GLCE: variants seen among roughly 807,000 people sequenced by gnomAD.
The protein encoded by GLCE is D-glucuronyl C5-epimerase.
A neutral mutation model predicts 47.9 loss-of-function variants in GLCE; 19 were observed. The observed-to-expected ratio is 0.40, with a 90% CI of 0.28 to 0.58. GLCE has a LOEUF of 0.58. Among genes scored for constraint, GLCE ranks in the 20% least tolerant of loss-of-function variants. The pLI, the probability that GLCE is intolerant of heterozygous loss-of-function variation, is 0.48. For synonymous variants in GLCE, 245 were observed against 263.4 expected, an observed-to-expected ratio of 0.93 and a Z score of 0.68; for missense variants, 556 against 743.3, an observed-to-expected ratio of 0.75 and a Z score of 2.93.
intron 2 of GLCE, among the ~76,000 whole-genome samples, chr15:69,217,339 G>C (rs2052320847): frequency 6.6e-6 from 1 of 151,404 alleles, no homozygotes; most frequent in South Asian, 2.1e-4. Context: ...AAATGTAAAT[G>C]AGATGTAAAT....
At chr15:69,232,002 A>G (rs1020327020) in intron 2 of GLCE, among the ~76,000 whole-genome samples, 2 of 151,982 alleles carry the variant, frequency 1.3e-5, no homozygotes, top group African/African-American at 4.8e-5. Context: ...CATATTGGCC[A>G]GGCTGGTCTC....
At chr15:69,239,814 T>C (rs1423170140) in intron 2 of GLCE, among the ~76,000 whole-genome samples, 1 of 152,208 alleles carries the variant, frequency 6.6e-6, no homozygotes, top group Non-Finnish European at 1.5e-5. Flanking sequence ...TCATTAATTC[T>C]GCCCTTCCCA....
chr15:69,216,545 G>C (rs1357032440), intron 2 of GLCE, among the ~76,000 whole-genome samples: 1 of 152,052 alleles, frequency 6.6e-6, no homozygotes, highest in South Asian at 2.1e-4. Flanking sequence ...ATTTAAGCCT[G>C]ATACTTACTA....
chr15:69,173,339 A>G (rs1021578772), intron 1 of GLCE, among the ~76,000 whole-genome samples: 3 of 152,206 alleles, frequency 2.0e-5, no homozygotes, highest in Non-Finnish European at 2.9e-5. Flanking sequence ...GAGTTGGGGT[A>G]TATGATAATA....
chr15:69,165,363 G>A (rs561344276), intron 1 of GLCE, among the ~76,000 whole-genome samples: 3 of 152,192 alleles, frequency 2.0e-5, no homozygotes, highest in East Asian at 1.9e-4. Context: ...GTACTAATAC[G>A]AGCAGTTTAC....
At chr15:69,197,036 T>C in intron 1 of GLCE, 1 of 323,568 alleles carries the variant, frequency 3.1e-6, no homozygotes. Flanking sequence ...CTTTCTGAGT[T>C]CCAGCAAAAC....
In GLCE at chr15:69,261,402, A is replaced by G. The variant is rs575135987; in HGVS notation, c.829+73A>G. 14 of 1,433,010 alleles carry G rather than the reference A, an allele frequency of 9.8e-6. No individual in the cohort carries two copies. The East Asian group carries it at 3.2e-4, about 33-fold the overall frequency. The allele number at this position is 1,433,010 out of a possible 1,614,324, so 88.8% of individuals were successfully genotyped here. A position where few individuals can be genotyped will look rare whatever the true frequency, so the allele number is the denominator to read the frequency against. On this transcript the variant is annotated intron_variant, in intron 4 of 4. Transcript: ENST00000261858. ...GACCCTGATAGTCCCTTAAAATTTT[A>G]ATATGGTTTAAAAAAACACATAAGC...
chr15:69,269,196 C>T lies in GLCE; in HGVS notation c.1806C>T (p.Val602=). 1 of 1,614,038 alleles carries T rather than the reference C, an allele frequency of 6.2e-7. No homozygotes were observed. Among genetic ancestry groups the T allele is most frequent in the Non-Finnish European group, 8.5e-7 (1 of 1,179,936 alleles). ...IDESPVFKEF[V]KRWKSYLKGS... is the part of the protein sequence containing the mutation. ...AGTCCCCAGTCTTCAAAGAATTTGT[C>T]AAGAGGTGGAAAAGCTACCTTAAAG... The change falls in exon 5 of 5, where the codon GTC becomes GTT. Residue 602 remains valine, a synonymous_variant. Coordinates refer to ENST00000261858, the MANE Select transcript of GLCE (RefSeq NM_015554.3).
intron 2 of GLCE, among the ~76,000 whole-genome samples, chr15:69,222,747 A>G (rs1020530483): frequency 3.9e-5 from 6 of 152,190 alleles, no homozygotes; most frequent in East Asian, 1.9e-4. Flanking sequence ...CTAGTCAGCC[A>G]TCTTGTTTGG....
rs2052918379 is a variant in GLCE, at chr15:69,256,039, C to T, written c.233C>T (p.Pro78Leu). ...VAKQQSEEAF[P>L]QEQQKAPPVV... ...AAACAACAGTCTGAGGAAGCATTCC[C>T]TCAGGAACAGCAGAAAGCACCCCCT... Residue 78 changes from proline (P) to leucine (L), a missense_variant, in exon 3 of 5, where the codon CCT (proline) becomes CTT (leucine). Transcript: ENST00000261858. The T allele has an allele frequency of 1.2e-6, 2 of 1,614,026 alleles. No individual in the cohort carries two copies. Among genetic ancestry groups the T allele is most frequent in the Non-Finnish European group, 1.7e-6 (2 of 1,179,990 alleles).
At chr15:69,226,814 G>A (rs1354153887) in intron 2 of GLCE, among the ~76,000 whole-genome samples, 1 of 132,096 alleles carries the variant, frequency 7.6e-6, no homozygotes, top group Admixed American at 9.4e-5. Context: ...GCGTGATCTC[G>A]GCTCACTGCA....
chr15:69,218,429 G>T (rs1365804927), intron 2 of GLCE, among the ~76,000 whole-genome samples: 2 of 152,208 alleles, frequency 1.3e-5, no homozygotes, highest in African/African-American at 4.8e-5. Flanking sequence ...CTGGAGGATC[G>T]CTTGAGCCTG....
chr15:69,204,665 G>A (rs1442334944), intron 1 of GLCE, among the ~76,000 whole-genome samples: 2 of 152,026 alleles, frequency 1.3e-5, no homozygotes, highest in Non-Finnish European at 2.9e-5. Flanking sequence ...CCAACAATGT[G>A]GAATTCTCTA....
rs201399708 is a variant in GLCE at position 69,255,927 on chromosome 15, C to T, written c.121C>T (p.Arg41Trp). 74 of 1,613,868 alleles carry T rather than the reference C, an allele frequency of 4.6e-5. No homozygotes were observed. The highest frequency in any genetic ancestry group is 6.7e-5 in the East Asian group (3 of 44,886). ...CAGTGACAAAGCAATCCAGTTTCCA[C>T]GGCGTTCGAGTAGTGGCTTCAGAGT... Reference protein sequence around the residue: ...CSSDKAIQFPRRSSSGFRVDG... With the variant: ...CSSDKAIQFPWRSSSGFRVDG... Residue 41 changes from arginine (R) to tryptophan (W), a missense_variant, in exon 3 of 5, where the codon CGG becomes TGG. Coordinates refer to ENST00000261858, the MANE Select transcript of GLCE (RefSeq NM_015554.3).
chr15:69,206,949 G>A (rs2052160880), intron 1 of GLCE, among the ~76,000 whole-genome samples: 1 of 151,912 alleles, frequency 6.6e-6, no homozygotes, highest in African/African-American at 2.4e-5. Context: ...TATATATTTT[G>A]CTGTATATAT....
chr15:69,212,090 A>C (rs527862096), intron 2 of GLCE, among the ~76,000 whole-genome samples: 80 of 151,786 alleles, frequency 5.3e-4, no homozygotes, highest in Non-Finnish European at 1.2e-4. Flanking sequence ...ATTAAGCTGC[A>C]GAAGGGATGG....
At chr15:69,228,630 A>G (rs6494789) in intron 2 of GLCE, among the ~76,000 whole-genome samples, 103,972 of 152,118 alleles carry the variant, frequency 0.68, 36,889 homozygotes, top group Non-Finnish European at 0.77. Flanking sequence ...ATGACATCAA[A>G]TGTAAATGGT....
chr15:69,181,998 G>A (rs1472705268), intron 1 of GLCE, among the ~76,000 whole-genome samples: 1 of 151,832 alleles, frequency 6.6e-6, no homozygotes, highest in Non-Finnish European at 1.5e-5. Flanking sequence ...GACGTAGTTA[G>A]GTAGATGTGG....
intron 1 of GLCE, among the ~76,000 whole-genome samples, chr15:69,182,865 A>G (rs1207882403): frequency 6.6e-6 from 1 of 152,054 alleles, no homozygotes; most frequent in Non-Finnish European, 1.5e-5. Context: ...AAATACAAAA[A>G]TTAGTCGGGT....
Sources: allele counts gnomAD v4.1 joint callset (sites outside exome capture counted in the v4.1 genomes callset), GRCh38; gene constraint gnomAD v4.1.1; transcripts MANE v1.5; gene names NCBI Gene and HGNC (gene_info 2026-07-23, HGNC 2026-07-21).